BIVM: variants seen among roughly 807,000 people sequenced by gnomAD.
BIVM encodes the protein basic immunoglobulin-like variable motif-containing protein.
BIVM carries 31 observed loss-of-function variants against 61.4 expected under a neutral mutation model. That is an observed-to-expected ratio of 0.51 (90% CI 0.38 to 0.68). The LOEUF (loss-of-function observed/expected upper bound fraction) is 0.68. BIVM is among the 30% of genes least tolerant of loss of function. BIVM has a pLI of 0.00. For missense variants in BIVM, 526 were observed against 596.0 expected (o/e 0.88, Z 1.22); for synonymous variants, 189 against 210.7 (o/e 0.90, Z 0.89).
chr13:102,831,261 G>A (rs1383119816), intron 7 of BIVM, among the ~76,000 whole-genome samples: 1 of 152,150 alleles, frequency 6.6e-6, no homozygotes, highest in African/African-American at 2.4e-5. Flanking sequence ...TGAAACCATT[G>A]CTGAATACAC....
In BIVM at chr13:102,821,066, C is replaced by T; in HGVS notation, c.635C>T (p.Thr212Ile). Residue 212 changes from threonine to isoleucine, a missense_variant, in exon 5 of 11, where the codon ACT becomes ATT. Transcript: ENST00000257336. Reference sequence around the variant, plus strand: ...TGCATAAGCCGACCACAGTATAAGACTTCTTGTGGCATCTCTTCATTAATT... The same window carrying T: ...TGCATAAGCCGACCACAGTATAAGATTTCTTGTGGCATCTCTTCATTAATT... ...WYCISRPQYK[T>I]SCGISSLISC... The T allele has an allele frequency of 2.5e-6, 4 of 1,613,482 alleles. No homozygotes were observed. Among genetic ancestry groups the T allele is most frequent in the Non-Finnish European group, 3.4e-6 (4 of 1,179,844 alleles).
chr13:102,824,780 T>G (rs1422988669), intron 7 of BIVM, among the ~76,000 whole-genome samples: 1 of 152,124 alleles, frequency 6.6e-6, no homozygotes, highest in East Asian at 1.9e-4. Context: ...TTTTTAGAGA[T>G]GAGGGTCTCA....
intron 1 of BIVM, among the ~76,000 whole-genome samples, chr13:102,804,147 T>C (rs911658085): frequency 6.6e-6 from 1 of 151,018 alleles, no homozygotes; most frequent in East Asian, 1.9e-4. Context: ...AAGAGTTTTT[T>C]GTTTGTTTGT....
At chr13:102,819,349 A>C (rs916575625) in intron 4 of BIVM, among the ~76,000 whole-genome samples, 2 of 152,246 alleles carry the variant, frequency 1.3e-5, no homozygotes, top group Admixed American at 6.5e-5. Context: ...AATAGTGTAC[A>C]TGATAAATTT....
intron 8 of BIVM, among the ~76,000 whole-genome samples, chr13:102,833,617 C>A (rs1186588031): frequency 6.6e-6 from 1 of 152,076 alleles, no homozygotes; most frequent in East Asian, 1.9e-4. Context: ...GCCACCACAC[C>A]CAGCCAGGAT....
chr13:102,840,773 T>G lies in BIVM; in HGVS notation c.*908T>G, dbSNP rs1310197343. The G allele has an allele frequency of 6.6e-6, 1 of 151,858 alleles. No individual in the cohort carries two copies. The highest frequency in any genetic ancestry group is 1.5e-5 in the Non-Finnish European group (1 of 67,980). 9.4% of individuals were successfully genotyped at this position (151,858 alleles called of 1,614,324 possible). A position where few individuals can be genotyped will look rare whatever the true frequency, so the allele number is the denominator to read the frequency against. ...GATTCAGATTTTTAAAATTTCTTGATGTGGTTTGTAATAATCAAATATTGA... is the reference window on the plus strand; with the variant it reads ...GATTCAGATTTTTAAAATTTCTTGAGGTGGTTTGTAATAATCAAATATTGA... On this transcript the variant is annotated 3_prime_UTR_variant, in exon 11 of 11. Transcript: ENST00000257336.
intron 3 of BIVM, among the ~76,000 whole-genome samples, chr13:102,809,787 C>CTTTTTT (rs71292825): frequency 7.9e-6 from 1 of 127,302 alleles, no homozygotes; most frequent in Non-Finnish European, 1.7e-5. Context: ...TCTTTTCTTT[C>CTTTTTT]TTTTTTTTTT....
intron 4 of BIVM, among the ~76,000 whole-genome samples, chr13:102,819,380 CAATT>C (rs1880083236): frequency 6.6e-6 from 1 of 152,024 alleles, no homozygotes; most frequent in Non-Finnish European, 1.5e-5. Flanking sequence ...GTTTTTATCA[CAATT>C]AAAGAACAAA....
chr13:102,824,240 A>G (rs1298381099), intron 7 of BIVM, among the ~76,000 whole-genome samples: 1 of 152,166 alleles, frequency 6.6e-6, no homozygotes, highest in Non-Finnish European at 1.5e-5. Flanking sequence ...GTAATTAGCA[A>G]CCTGAGCTGG....
intron 3 of BIVM, among the ~76,000 whole-genome samples, chr13:102,813,163 C>A (rs1445067928): frequency 1.3e-5 from 2 of 152,106 alleles, no homozygotes; most frequent in Admixed American, 1.3e-4. Flanking sequence ...GAGACAGATT[C>A]CTGGTGCCTC....
chr13:102,838,618 C>T, intron 9 of BIVM, 25 bp from the exon 10 acceptor site: 2 of 1,582,704 alleles, frequency 1.3e-6, no homozygotes, highest in South Asian at 1.2e-5. Flanking sequence ...GAAAATTGTG[C>T]TTTATCCTTT....
chr13:102,822,416 C>T (rs1566451054), intron 7 of BIVM, among the ~76,000 whole-genome samples: 1 of 152,160 alleles, frequency 6.6e-6, no homozygotes, highest in Non-Finnish European at 1.5e-5. Flanking sequence ...TACTCTAACA[C>T]ATTGTATTGT....
At position 102,839,816 on chromosome 13, in the gene BIVM, G is replaced by T. The variant is rs1163584145; in HGVS notation, c.1463G>T (p.Arg488Ile). ...AAAAAGATGTCTAGTATCCATGAGA[G>T]AAGGAACAGTGGTTACCAGGGTTAC... ...AWKKMSSIHE[R>I]RNSGYQGYSD... The change falls in exon 11 of 11, where the codon AGA (arginine) becomes ATA (isoleucine). Residue 488 changes from arginine (R) to isoleucine (I), a missense_variant. Physicochemically the swap from Arg to Ile is moderately conservative, Grantham distance 97 (BLOSUM62 -3). Transcript: ENST00000257336. The T allele has an allele frequency of 6.2e-7, 1 of 1,613,938 alleles. No individual in the cohort carries two copies. The highest frequency in any genetic ancestry group is 1.7e-5 in the Admixed American group (1 of 60,030).
intron 7 of BIVM, among the ~76,000 whole-genome samples, chr13:102,826,514 G>T (rs112233527): frequency 1.3e-5 from 2 of 152,164 alleles, no homozygotes; most frequent in African/African-American, 4.8e-5. Flanking sequence ...TTCATAGGGT[G>T]GCTTTATATC....
intron 4 of BIVM, among the ~76,000 whole-genome samples, chr13:102,819,894 T>A (rs1039857591): frequency 6.6e-6 from 1 of 152,228 alleles, no homozygotes; most frequent in African/African-American, 2.4e-5. Context: ...TAGACCACAC[T>A]AAAGTTGCTC....
At chr13:102,802,173 G>A (rs1595324598) in intron 1 of BIVM, among the ~76,000 whole-genome samples, 1 of 152,176 alleles carries the variant, frequency 6.6e-6, no homozygotes, top group East Asian at 1.9e-4. Flanking sequence ...GAAACAAAAG[G>A]AGATAAAAGA....
intron 4 of BIVM, chr13:102,820,813 T>G (rs1157898997): frequency 2.1e-6 from 1 of 471,132 alleles, no homozygotes; most frequent in African/African-American, 2.1e-5. Flanking sequence ...AACATCCACT[T>G]TAACTGGCAG....
intron 4 of BIVM, among the ~76,000 whole-genome samples, chr13:102,819,058 G>C (rs1880062098): frequency 6.6e-6 from 1 of 152,136 alleles, no homozygotes; most frequent in African/African-American, 2.4e-5. Context: ...AGTTGCTTGT[G>C]TTTTATCAGC....
rs1363140513 is a variant in BIVM at position 102,826,428 on chromosome 13, G to A, written c.901+4269G>A. Among the ~76,000 whole-genome samples, 7 of 152,290 alleles carry A rather than the reference G, an allele frequency of 4.6e-5. No homozygotes were observed. The South Asian group carries it at 1.4e-3, about 32-fold the overall frequency. On this transcript the variant is annotated intron_variant, in intron 7 of 10. Coordinates refer to ENST00000257336, the MANE Select transcript of BIVM (RefSeq NM_017693.4). ...CTGAAGTTTTCAACTTTACATCTTA[G>A]CAGTGCCTTGAACATTGCCTTTTAC...
Sources: allele counts gnomAD v4.1 joint callset (sites outside exome capture counted in the v4.1 genomes callset), GRCh38; gene constraint gnomAD v4.1.1; transcripts MANE v1.5; gene names NCBI Gene and HGNC (gene_info 2026-07-23, HGNC 2026-07-21).